The following RAB6B variants were observed in gnomAD, a reference collection of about 807,000 sequenced individuals.
RAB6B encodes RAB6B, member RAS oncogene family, also known as ras-related protein Rab-6B.
A neutral mutation model predicts 31.2 loss-of-function variants in RAB6B; 7 were observed. That is an observed-to-expected ratio of 0.22 (90% CI 0.13 to 0.42). The LOEUF (loss-of-function observed/expected upper bound fraction) is 0.42. RAB6B is among the 10% of genes least tolerant of loss of function. The pLI is 1.00. For synonymous variants in RAB6B, 105 were observed against 104.9 expected (o/e 1.00, Z -0.01); for missense variants, 149 against 280.6 (o/e 0.53, Z 3.35).
intron 2 of RAB6B, among the ~76,000 whole-genome samples, chr3:133,852,697 T>C (rs1318912254): frequency 6.6e-6 from 1 of 152,164 alleles, no homozygotes; most frequent in African/African-American, 2.4e-5. Context: ...CAGGCTGGTC[T>C]CGAACTCCAG....
chr3:133,841,796 T>A, intron 2 of RAB6B, 133 bp from the exon 3 acceptor site: 1 of 772,780 alleles, frequency 1.3e-6, no homozygotes, highest in Non-Finnish European at 2.1e-6. Context: ...CCATGCTCTG[T>A]CCTCCCTGCC....
chr3:133,841,470 C>A, intron 3 of RAB6B, 80 bp from the exon 4 acceptor site: 1 of 1,551,626 alleles, frequency 6.4e-7, no homozygotes, highest in Non-Finnish European at 8.9e-7. Context: ...ACTGGGAGAG[C>A]CGGGCTCTGC....
chr3:133,829,542 C>A (rs1032839121), intron 7 of RAB6B, among the ~76,000 whole-genome samples: 1 of 152,184 alleles, frequency 6.6e-6, no homozygotes, highest in African/African-American at 2.4e-5. Context: ...AGCCTTGCAT[C>A]AAACCAGACC....
chr3:133,862,648 G>A (rs1936176166), intron 2 of RAB6B, among the ~76,000 whole-genome samples: 1 of 152,194 alleles, frequency 6.6e-6, no homozygotes, highest in African/African-American at 2.4e-5. Context: ...GTAGGAGCAG[G>A]GAAGTCGGCT....
intron 2 of RAB6B, among the ~76,000 whole-genome samples, chr3:133,857,857 C>T (rs992195213): frequency 6.6e-6 from 1 of 152,320 alleles, no homozygotes; most frequent in African/African-American, 2.4e-5. Context: ...CACAGACACA[C>T]TGTTCGTTGG....
chr3:133,851,768 T>C (rs929945979), intron 2 of RAB6B, among the ~76,000 whole-genome samples: 19 of 152,180 alleles, frequency 1.2e-4, no homozygotes, highest in Admixed American at 6.5e-4. Context: ...TGAGGTCCCA[T>C]AGCAAGTCAG....
At chr3:133,887,781 A>T (rs1485533318) in intron 1 of RAB6B, among the ~76,000 whole-genome samples, 1 of 152,194 alleles carries the variant, frequency 6.6e-6, no homozygotes, top group South Asian at 2.1e-4. Flanking sequence ...ACCCCAGAGT[A>T]GGTGGGAACC....
At chr3:133,854,469 C>T (rs778635184) in intron 2 of RAB6B, among the ~76,000 whole-genome samples, 1 of 152,246 alleles carries the variant, frequency 6.6e-6, no homozygotes, top group Non-Finnish European at 1.5e-5. Flanking sequence ...TCTCCCTCCT[C>T]GGCTGTGCTG....
In RAB6B at chr3:133,838,263, G is replaced by T; in HGVS notation, c.402-4C>A. 3 of 1,612,542 alleles carry T rather than the reference G, an allele frequency of 1.9e-6. No homozygotes were observed. Among genetic ancestry groups the T allele is most frequent in the Non-Finnish European group, 1.7e-6 (2 of 1,178,556 alleles). On this transcript the variant is annotated splice_region_variant and splice_polypyrimidine_tract_variant and intron_variant, in intron 5 of 7. Transcript: ENST00000285208. ...CCCCTCCTCGATGGTTATCTGCCTA[G>T]AGATGAGGGGAAGGGGGGAAATCAG...
rs927170469 is a variant in RAB6B at position 133,838,165 on chromosome 3, C to T, written c.495+1G>A. The stretch of plus-strand genomic sequence containing the variant: ...GGGCCCCGTGCCAGGTGTGTCCTCA[C>T]CTGCTTCACGTTGTAGCCAGTCTTC... On this transcript the variant is annotated splice_donor_variant, in intron 6 of 7. Transcript: ENST00000285208. LOFTEE classifies it high-confidence loss of function. The T allele has an allele frequency of 6.2e-7, 1 of 1,613,598 alleles. No homozygotes were observed.
In RAB6B at chr3:133,838,462, C is replaced by T. The variant is rs376973819; in HGVS notation, c.402-203G>A. ...GCAGGCACCAGGGAACAGTAGGACA[C>T]TATCCGCTTCCCCCACTCCTTCCTT... On this transcript the variant is annotated intron_variant, in intron 5 of 7. Coordinates refer to ENST00000285208, the MANE Select transcript of RAB6B (RefSeq NM_016577.4). Among the ~76,000 whole-genome samples, 7 of 152,314 alleles carry T rather than the reference C, an allele frequency of 4.6e-5. No individual in the cohort carries two copies. The East Asian group carries it at 9.6e-4, about 21-fold the overall frequency.
At chr3:133,860,064 C>G (rs578056854) in intron 2 of RAB6B, among the ~76,000 whole-genome samples, 1 of 151,994 alleles carries the variant, frequency 6.6e-6, no homozygotes, top group Non-Finnish European at 1.5e-5. Flanking sequence ...CTGGGGGGTG[C>G]GGAGGTGCCC....
chr3:133,884,506 T>C (rs890019013), intron 1 of RAB6B, among the ~76,000 whole-genome samples: 1 of 152,198 alleles, frequency 6.6e-6, no homozygotes, highest in South Asian at 2.1e-4. Flanking sequence ...TCTCAAGTCC[T>C]TGGGGACTCC....
At position 133,895,605 on chromosome 3, in the gene RAB6B, C is replaced by T; in HGVS notation, c.-139G>A. ...GGCTGGCTGCGCGCGTCCCTGACTC[C>T]CCAGCTGCGTCCCGGTCCCGGCCTG... On this transcript the variant is annotated 5_prime_UTR_variant, in exon 1 of 8. Coordinates refer to ENST00000285208, the MANE Select transcript of RAB6B (RefSeq NM_016577.4). 1.3e-6 allele frequency: 1 copy of T among 782,908 alleles called. No individual in the cohort carries two copies. Among genetic ancestry groups the T allele is most frequent in the Non-Finnish European group, 2.1e-6 (1 of 482,918 alleles). The allele number at this position is 782,908 out of a possible 1,614,324, so 48.5% of individuals were successfully genotyped here. A position where few individuals can be genotyped will look rare whatever the true frequency, so the allele number is the denominator to read the frequency against.
Position 133,828,349 on chromosome 3 carries a change from A to T in RAB6B, c.*439T>A. On this transcript the variant is annotated 3_prime_UTR_variant, in exon 8 of 8. Coordinates refer to ENST00000285208, the MANE Select transcript of RAB6B (RefSeq NM_016577.4). The stretch of plus-strand genomic sequence containing the variant: ...TGTTTTAATTTATTGGGCTGGGGAT[A>T]GGAGGAAGGCAGAGGTGATGAATGG... 5.7e-6 allele frequency: 2 copies of T among 351,206 alleles called. No individual in the cohort carries two copies. Among genetic ancestry groups the T allele is most frequent in the Non-Finnish European group, 1.0e-5 (2 of 193,266 alleles). 21.8% of individuals were successfully genotyped at this position (351,206 alleles called of 1,614,324 possible).
At chr3:133,877,328 A>C (rs73217262) in intron 1 of RAB6B, among the ~76,000 whole-genome samples, 24,208 of 152,240 alleles carry the variant, frequency 0.16, 2,245 homozygotes, top group Middle Eastern at 0.22. Context: ...AAACTACTTG[A>C]GACTGGGGAA....
chr3:133,838,197 G>T lies in RAB6B; in HGVS notation c.464C>A (p.Thr155Asn). ...CACGTTGTAGCCAGTCTTCGCACTG[G>T]TCTCAATGAACATGACGCTCAGTTC... is the stretch of plus-strand genomic sequence containing the variant. Reference protein sequence around the residue: ...AKELSVMFIETSAKTGYNVKQ... With the variant: ...AKELSVMFIENSAKTGYNVKQ... The change falls in exon 6 of 8, where the codon ACC becomes AAC. Residue 155 changes from threonine (T) to asparagine (N), a missense_variant. By Grantham distance (65) the Thr-to-Asn change is moderately conservative. Coordinates refer to ENST00000285208, the MANE Select transcript of RAB6B (RefSeq NM_016577.4). 1 of 1,614,194 alleles carries T rather than the reference G, an allele frequency of 6.2e-7. No homozygotes were observed. The highest frequency in any genetic ancestry group is 1.1e-5 in the South Asian group (1 of 91,090).
rs532349213 is a variant in RAB6B, at chr3:133,888,930, C to T, written c.70+6467G>A. On this transcript the variant is annotated intron_variant, in intron 1 of 7. Transcript: ENST00000285208. ...GTCTTTCCACCCTAACAAAAGCTGT[C>T]CATTTCAGGGCGTGTCTGGTACTTC... 3.3e-5 allele frequency among the ~76,000 whole-genome samples: 5 copies of T among 152,290 alleles called. No individual in the cohort carries two copies. The South Asian group carries it at 8.3e-4, about 25-fold the overall frequency.
At chr3:133,850,501 TAAGTA>T (rs1438958530) in intron 2 of RAB6B, among the ~76,000 whole-genome samples, 4 of 152,102 alleles carry the variant, frequency 2.6e-5, no homozygotes, top group East Asian at 1.9e-4. Flanking sequence ...ACTAAAACTC[TAAGTA>T]AAGAACCAAA....
Sources: allele counts gnomAD v4.1 joint callset (sites outside exome capture counted in the v4.1 genomes callset), GRCh38; gene constraint gnomAD v4.1.1; transcripts MANE v1.5; gene names NCBI Gene and HGNC (gene_info 2026-07-23, HGNC 2026-07-21).